Variants in OPCML observed in about 807,000 individuals in gnomAD.
OPCML encodes the protein opioid-binding protein/cell adhesion molecule.
OPCML carries 13 observed loss-of-function variants against 37.8 expected under a neutral mutation model. The observed-to-expected ratio is 0.34, with a 90% CI of 0.22 to 0.55. The LOEUF is 0.55. Ranked by LOEUF, OPCML falls within the 20% of genes least tolerant of loss-of-function variation. The pLI is 0.91. For missense variants in OPCML, 341 were observed against 435.6 expected (o/e 0.78, Z 1.93); for synonymous variants, 176 against 168.8 (o/e 1.04, Z -0.33).
At chr11:132,479,085 G>A (rs1052612602) in intron 4 of OPCML, among the ~76,000 whole-genome samples, 7 of 152,156 alleles carry the variant, frequency 4.6e-5, no homozygotes, top group Non-Finnish European at 7.3e-5. Context: ...CCTGAGTGAC[G>A]CAGAAGACGG....
At chr11:133,147,182 C>T (rs1378058741) in intron 1 of OPCML, among the ~76,000 whole-genome samples, 1 of 152,106 alleles carries the variant, frequency 6.6e-6, no homozygotes, top group Non-Finnish European at 1.5e-5. Context: ...ATCACTAAGG[C>T]TGATAGGCAG....
intron 4 of OPCML, among the ~76,000 whole-genome samples, chr11:132,459,623 G>A (rs2136902092): frequency 6.6e-6 from 1 of 151,002 alleles, no homozygotes; most frequent in African/African-American, 2.4e-5. Flanking sequence ...GCCTAATATA[G>A]ATTCCTTTTT....
intron 3 of OPCML, among the ~76,000 whole-genome samples, chr11:132,560,642 A>G (rs1646683256): frequency 6.6e-6 from 1 of 152,208 alleles, no homozygotes; most frequent in Non-Finnish European, 1.5e-5. Flanking sequence ...GTAAGGTGGT[A>G]TCACATTGTG....
intron 2 of OPCML, among the ~76,000 whole-genome samples, chr11:132,873,492 G>T (rs1195104274): frequency 1.3e-5 from 2 of 152,086 alleles, no homozygotes; most frequent in Non-Finnish European, 2.9e-5. Flanking sequence ...TTGTTATTTG[G>T]GATAAGAATA....
chr11:133,069,026 A>G (rs1023328439), intron 1 of OPCML, among the ~76,000 whole-genome samples: 7 of 152,252 alleles, frequency 4.6e-5, no homozygotes, highest in Middle Eastern at 3.2e-3. Context: ...GATGGATCAG[A>G]TCTAACATCT....
intron 1 of OPCML, among the ~76,000 whole-genome samples, chr11:133,041,461 C>T (rs1283310256): frequency 2.0e-5 from 3 of 152,178 alleles, no homozygotes; most frequent in Non-Finnish European, 2.9e-5. Context: ...TCTGCAGTCT[C>T]TCTGCACTTG....
chr11:133,007,022 GGA>G (rs1430140226), intron 1 of OPCML: 3 of 985,268 alleles, frequency 3.0e-6, no homozygotes, highest in East Asian at 1.1e-4. Flanking sequence ...ATTTAAAACA[GGA>G]GAGAGGAAAG....
chr11:133,468,480 A>G (rs1346027025), intron 1 of OPCML, among the ~76,000 whole-genome samples: 1 of 152,224 alleles, frequency 6.6e-6, no homozygotes, highest in Non-Finnish European at 1.5e-5. Context: ...AGAGCCTCCC[A>G]AGTCCTCTAG....
intron 1 of OPCML, among the ~76,000 whole-genome samples, chr11:133,238,740 C>T (rs1394872213): frequency 6.6e-6 from 1 of 152,164 alleles, no homozygotes; most frequent in Non-Finnish European, 1.5e-5. Context: ...AGACTCTCAT[C>T]AGAGGCTACC....
intron 1 of OPCML, among the ~76,000 whole-genome samples, chr11:133,216,935 C>T (rs1412647496): frequency 6.6e-6 from 1 of 152,110 alleles, no homozygotes; most frequent in Non-Finnish European, 1.5e-5. Context: ...ATATTTTACA[C>T]ATAAATAATT....
At chr11:132,681,312 C>T (rs1591718020) in intron 2 of OPCML, among the ~76,000 whole-genome samples, 1 of 152,184 alleles carries the variant, frequency 6.6e-6, no homozygotes, top group African/African-American at 2.4e-5. Context: ...CCTGCCCTGC[C>T]CCCTGTCCTG....
At chr11:132,733,640 G>C (rs556451673) in intron 2 of OPCML, among the ~76,000 whole-genome samples, 1 of 152,296 alleles carries the variant, frequency 6.6e-6, no homozygotes, top group East Asian at 1.9e-4. Context: ...TCCAGAATGT[G>C]TGACATTTTC....
intron 1 of OPCML, chr11:133,007,031 A>G: frequency 5.1e-6 from 5 of 985,456 alleles, no homozygotes; most frequent in Non-Finnish European, 6.0e-6. Flanking sequence ...AGGAGAGAGG[A>G]AAGGCATGAG....
chr11:132,915,885 A>G (rs1403570419), intron 2 of OPCML, among the ~76,000 whole-genome samples: 1 of 152,144 alleles, frequency 6.6e-6, no homozygotes, highest in Non-Finnish European at 1.5e-5. Context: ...AAATATTGCT[A>G]ATCATGTTTT....
At chr11:132,563,142 A>C (rs1197500614) in intron 3 of OPCML, among the ~76,000 whole-genome samples, 1 of 152,114 alleles carries the variant, frequency 6.6e-6, no homozygotes, top group Non-Finnish European at 1.5e-5. Flanking sequence ...TTATTAATTT[A>C]AGCCATCGTT....
At position 133,108,790 on chromosome 11, in the gene OPCML, T is replaced by C. The variant is rs188256233; in HGVS notation, c.62-165780A>G. Among the ~76,000 whole-genome samples, 150 of 130,878 alleles carry C rather than the reference T, an allele frequency of 1.1e-3. 1 individual carries two copies. The highest frequency in any genetic ancestry group is 1.9e-3 in the Admixed American group (24 of 12,456). The allele number at this position is 130,878 out of a possible 152,430, so 85.9% of individuals were successfully genotyped here. A position where few individuals can be genotyped will look rare whatever the true frequency, so the allele number is the denominator to read the frequency against. On this transcript the variant is annotated intron_variant, in intron 1 of 7. Transcript: ENST00000524381. ...TCCCATTGTTACCAAAGACAGCGCT[T>C]TGCAAACTACAGGTGATAAAAAAAA...
At chr11:132,436,380 C>T in intron 6 of OPCML, 143 bp from the exon 7 acceptor site, 2 of 1,545,528 alleles carry the variant, frequency 1.3e-6, no homozygotes, top group Non-Finnish European at 1.7e-6. Context: ...GGAAATGATG[C>T]TCTTGCCCAA....
At chr11:133,133,567 G>A (rs1281101944) in intron 1 of OPCML, among the ~76,000 whole-genome samples, 1 of 151,998 alleles carries the variant, frequency 6.6e-6, no homozygotes, top group Non-Finnish European at 1.5e-5. Context: ...GATCACCCTC[G>A]GAAAACGTGT....
intron 6 of OPCML, 168 bp from the exon 7 acceptor site, chr11:132,436,405 T>C: frequency 1.0e-6 from 1 of 980,632 alleles, no homozygotes; most frequent in Non-Finnish European, 1.2e-6. Context: ...ATAAATGTAC[T>C]GGCTTCTAAT....
Sources: allele counts gnomAD v4.1 joint callset (sites outside exome capture counted in the v4.1 genomes callset), GRCh38; gene constraint gnomAD v4.1.1; transcripts MANE v1.5; gene names NCBI Gene and HGNC (gene_info 2026-07-23, HGNC 2026-07-21).